The following CACNA1C variants were observed in gnomAD, a reference collection of about 807,000 sequenced individuals.
CACNA1C encodes calcium voltage-gated channel subunit alpha1 C.
In CACNA1C, 30 loss-of-function variants were observed where a neutral mutation model predicts 229.0. That is an observed-to-expected ratio of 0.13 (90% CI 0.10 to 0.18). The LOEUF is 0.18. Ranked by LOEUF, CACNA1C falls within the 10% of genes least tolerant of loss-of-function variation. The pLI is 1.00. For synonymous variants in CACNA1C, 1,114 were observed against 1,132.5 expected (o/e 0.98, Z 0.33); for missense variants, 1,658 against 2,845.0 (o/e 0.58, Z 9.49).
intron 3 of CACNA1C, among the ~76,000 whole-genome samples, chr12:2,199,393 A>C (rs2097521441): frequency 6.6e-6 from 1 of 152,108 alleles, no homozygotes; most frequent in African/African-American, 2.4e-5. Flanking sequence ...GAAAACCTTT[A>C]TGATGGTCCA....
chr12:2,571,702 A>T (rs2054530240), intron 13 of CACNA1C, among the ~76,000 whole-genome samples: 1 of 152,194 alleles, frequency 6.6e-6, no homozygotes, highest in African/African-American at 2.4e-5. Flanking sequence ...ATCATTGTCT[A>T]ATTGAAAGTG....
chr12:2,207,414 A>G (rs1268802324), intron 3 of CACNA1C, among the ~76,000 whole-genome samples: 1 of 152,178 alleles, frequency 6.6e-6, no homozygotes, highest in African/African-American at 2.4e-5. Flanking sequence ...ATTATGCTGT[A>G]TTTTGTTACT....
At chr12:2,145,692 G>A (rs550838653) in intron 3 of CACNA1C, among the ~76,000 whole-genome samples, 1 of 151,436 alleles carries the variant, frequency 6.6e-6, no homozygotes, top group East Asian at 1.9e-4. Context: ...TGAGGAAAAC[G>A]CTAGATTAAA....
In CACNA1C at chr12:2,376,885, C is replaced by T. The variant is rs550413019; in HGVS notation, c.478-72091C>T. The stretch of plus-strand genomic sequence containing the variant: ...GTGCCCTAAGAATGCAGAACCCCTG[C>T]GCCACACAAAGCATGCTCGCTACGC... On this transcript the variant is annotated intron_variant, in intron 3 of 46. Transcript: ENST00000399655. Among the ~76,000 whole-genome samples, 15 of 152,296 alleles carry T rather than the reference C, an allele frequency of 9.8e-5. No homozygotes were observed. In the East Asian group the frequency reaches 2.1e-3, roughly 22 times the overall value.
At chr12:2,670,820 C>T (rs1363055914) in intron 38 of CACNA1C, among the ~76,000 whole-genome samples, 3 of 151,530 alleles carry the variant, frequency 2.0e-5, no homozygotes, top group Admixed American at 6.6e-5. Context: ...GATCACCCCA[C>T]TCTAGCCTGG....
chr12:2,319,190 G>A lies in CACNA1C; in HGVS notation c.478-129786G>A, dbSNP rs2095844721. The stretch of plus-strand genomic sequence containing the variant: ...GGTCCCCACATATCACTGCACCCTC[G>A]TGGGCTCCCCTGCCCTGTCCTGGCA... On this transcript the variant is annotated intron_variant, in intron 3 of 46. Transcript: ENST00000399655. This position sits in a 1 kb window ranked among gnomAD's most constrained non-coding sequence, Gnocchi z 4.0. 6.6e-6 allele frequency among the ~76,000 whole-genome samples: 1 copy of A among 151,966 alleles called. No individual in the cohort carries two copies. Among genetic ancestry groups the A allele is most frequent in the Non-Finnish European group, 1.5e-5 (1 of 67,966 alleles).
chr12:2,659,439 T>C (rs2095591939), intron 34 of CACNA1C, among the ~76,000 whole-genome samples: 1 of 152,160 alleles, frequency 6.6e-6, no homozygotes, highest in Non-Finnish European at 1.5e-5. Context: ...GGCATCTAGG[T>C]TTGTGTGAGT....
At chr12:2,542,191 A>G (rs989699793) in intron 9 of CACNA1C, among the ~76,000 whole-genome samples, 3 of 152,000 alleles carry the variant, frequency 2.0e-5, no homozygotes, top group African/African-American at 7.3e-5. Context: ...CTTTGCCAAA[A>G]CCCCTTCTGG....
At position 2,120,382 on chromosome 12, in the gene CACNA1C, C is replaced by T; in HGVS notation, c.429C>T (p.Ile143=). Reference sequence around the variant, plus strand: ...TTGCCAATTGTGTGGCCTTAGCGATCTATATTCCCTTTCCAGAAGATGATT... The same window carrying T: ...TTGCCAATTGTGTGGCCTTAGCGATTTATATTCCCTTTCCAGAAGATGATT... The part of the protein sequence containing the change: ...TIFANCVALA[I]YIPFPEDDSN... Residue 143 remains isoleucine, a synonymous_variant, in exon 3 of 47, where the codon ATC becomes ATT. Coordinates refer to ENST00000399655, the MANE Select transcript of CACNA1C (RefSeq NM_000719.7). 3 of 1,611,630 alleles carry T rather than the reference C, an allele frequency of 1.9e-6. No individual in the cohort carries two copies. The highest frequency in any genetic ancestry group is 1.1e-5 in the South Asian group (1 of 91,044).
At chr12:2,624,695 G>T (rs990628993) in intron 29 of CACNA1C, among the ~76,000 whole-genome samples, 2 of 152,162 alleles carry the variant, frequency 1.3e-5, no homozygotes, top group Non-Finnish European at 2.9e-5. Flanking sequence ...GCTCCACAGC[G>T]CCCCGTGGTG....
intron 3 of CACNA1C, among the ~76,000 whole-genome samples, chr12:2,206,593 CCCTA>C (rs1330970627): frequency 6.6e-6 from 1 of 152,232 alleles, no homozygotes; most frequent in African/African-American, 2.4e-5. Context: ...GTACCCACCT[CCCTA>C]CCTACTCACT....
At chr12:2,244,683 T>G (rs751649210) in intron 3 of CACNA1C, among the ~76,000 whole-genome samples, 9 of 152,230 alleles carry the variant, frequency 5.9e-5, no homozygotes, top group Non-Finnish European at 1.2e-4. Flanking sequence ...TCACCTGCTT[T>G]GGGCTGTGCC....
At chr12:2,214,641 C>G (rs746147931) in intron 3 of CACNA1C, among the ~76,000 whole-genome samples, 2 of 89,780 alleles carry the variant, frequency 2.2e-5, no homozygotes, top group Non-Finnish European at 4.5e-5. Flanking sequence ...GGGGATGGCC[C>G]TGTATGCCCT....
intron 29 of CACNA1C, among the ~76,000 whole-genome samples, chr12:2,623,801 CT>C (rs745318905): frequency 2.6e-5 from 4 of 152,314 alleles, no homozygotes; most frequent in Admixed American, 1.3e-4. Context: ...ACTCCAGCCC[CT>C]GGCTCACAAG....
intron 13 of CACNA1C, among the ~76,000 whole-genome samples, chr12:2,580,231 A>G (rs2060016938): frequency 6.6e-6 from 1 of 152,210 alleles, no homozygotes; most frequent in Non-Finnish European, 1.5e-5. Flanking sequence ...GGCAGGCAAA[A>G]TAGAAGTAAG....
At chr12:2,139,721 T>C (rs886273407) in intron 3 of CACNA1C, among the ~76,000 whole-genome samples, 2 of 151,252 alleles carry the variant, frequency 1.3e-5, no homozygotes, top group Admixed American at 1.3e-4. Flanking sequence ...CAGTTATATC[T>C]TAGTCCTGCA....
intron 13 of CACNA1C, among the ~76,000 whole-genome samples, chr12:2,576,435 T>A (rs2058419392): frequency 6.6e-6 from 1 of 152,148 alleles, no homozygotes. Context: ...TTTTTATGCT[T>A]TTCCATGAGG....
intron 5 of CACNA1C, among the ~76,000 whole-genome samples, chr12:2,473,175 TG>T (rs2154568157): frequency 6.6e-6 from 1 of 152,320 alleles, no homozygotes; most frequent in African/African-American, 2.4e-5. Flanking sequence ...TCTTTTCTGC[TG>T]TCAACCCTAA....
chr12:2,687,892 C>T (rs2153853050), intron 45 of CACNA1C, among the ~76,000 whole-genome samples: 1 of 152,336 alleles, frequency 6.6e-6, no homozygotes, highest in African/African-American at 2.4e-5. Flanking sequence ...TCAAAGACAA[C>T]CTGAGCTAGA....
Sources: gnomAD v4.1 joint callset for allele counts (sites outside exome capture counted in the v4.1 genomes callset) on GRCh38, gnomAD v4.1.1 for gene constraint, Gnocchi (gnomAD v3.1) non-coding constraint, MANE v1.5 for transcripts, NCBI Gene and HGNC (gene_info 2026-07-23, HGNC 2026-07-21) for gene names.